Variants in SYNPO2 observed in about 807,000 individuals in gnomAD.
The protein encoded by SYNPO2 is synaptopodin 2.
A neutral mutation model predicts 85.0 loss-of-function variants in SYNPO2; 56 were observed. That is an observed-to-expected ratio of 0.66 (90% confidence interval 0.53 to 0.82). SYNPO2 has a LOEUF of 0.82. Ranked by LOEUF, SYNPO2 falls within the 40% of genes least tolerant of loss-of-function variation. The pLI is 0.00. For synonymous variants in SYNPO2, 602 were observed against 591.1 expected (o/e 1.02, Z -0.27); for missense variants, 1,575 against 1,534.2 (o/e 1.03, Z -0.44).
Position 119,031,330 on chromosome 4 carries a change from A to G in SYNPO2, c.2555A>G (p.Asn852Ser), listed in dbSNP as rs370623734. The G allele has an allele frequency of 2.5e-6, 4 of 1,614,048 alleles. No individual in the cohort carries two copies. In the African/African-American group the frequency reaches 5.3e-5, roughly 22 times the overall value. Residue 852 changes from asparagine (N) to serine (S), a missense_variant, in exon 4 of 5, where the codon AAT becomes AGT. Physicochemically the swap from Asn to Ser is conservative, Grantham distance 46. Around this residue, in one of 3 missense-constraint regions of SYNPO2, gnomAD observed 1,508 missense variants for 1,446.8 expected, o/e 1.04. Coordinates refer to ENST00000307142, the MANE Select transcript of SYNPO2 (RefSeq NM_133477.3). ...PKPTVSTPTV[N>S]AVQPGAVGPS... ...CCAACAGTTTCCACACCAACAGTCA[A>G]TGCTGTTCAGCCTGGTGCAGTGGGA...
At chr4:118,954,334 T>C (rs1162176477) in intron 1 of SYNPO2, among the ~76,000 whole-genome samples, 1 of 152,196 alleles carries the variant, frequency 6.6e-6, no homozygotes, top group Non-Finnish European at 1.5e-5. Context: ...TTCTTTTTTT[T>C]CCAGTAACTC....
chr4:119,008,945 G>A lies in SYNPO2; in HGVS notation c.106-14485G>A, dbSNP rs547674697. 2.0e-3 allele frequency among the ~76,000 whole-genome samples: 307 copies of A among 152,186 alleles called. 1 individual carries two copies. The highest frequency in any genetic ancestry group is 7.0e-3 in the African/African-American group (289 of 41,532). ...TTTCATCTCTTTGCTTCAGGTTTAT[G>A]TAATAATAGAGAGGAAATGGAAATT... On this transcript the variant is annotated intron_variant, in intron 1 of 4. Coordinates refer to ENST00000307142, the MANE Select transcript of SYNPO2 (RefSeq NM_133477.3).
In SYNPO2 at chr4:119,031,480, C is replaced by T. The variant is rs1738257143; in HGVS notation, c.2705C>T (p.Ser902Phe). The change falls in exon 4 of 5, where the codon TCT (serine) becomes TTT (phenylalanine). Residue 902 changes from serine (S) to phenylalanine (F), a missense_variant. By Grantham distance (155) the Ser-to-Phe change is radical (BLOSUM62 -2). Around this residue, in one of 3 missense-constraint regions of SYNPO2, gnomAD observed 1,508 missense variants for 1,446.8 expected, o/e 1.04. Coordinates refer to ENST00000307142, the MANE Select transcript of SYNPO2 (RefSeq NM_133477.3). ...TVQAHAARAQ[S>F]PTPSLPASWK... Reference sequence around the variant, plus strand: ...CAGGCCCACGCTGCTCGAGCTCAGTCTCCCACTCCATCTCTCCCGGCCAGT... The same window carrying T: ...CAGGCCCACGCTGCTCGAGCTCAGTTTCCCACTCCATCTCTCCCGGCCAGT... The T allele has an allele frequency of 1.2e-6, 2 of 1,614,048 alleles. No homozygotes were observed. Among genetic ancestry groups the T allele is most frequent in the African/African-American group, 2.7e-5 (2 of 74,904 alleles).
intron 1 of SYNPO2, among the ~76,000 whole-genome samples, chr4:118,904,716 A>G (rs745558069): frequency 6.8e-4 from 103 of 152,198 alleles, no homozygotes; most frequent in Non-Finnish European, 1.3e-3. Context: ...ATGATAATAC[A>G]TTCAACTCCT....
chr4:118,865,979 T>C (rs1731693815), intron 1 of SYNPO2, among the ~76,000 whole-genome samples: 1 of 152,158 alleles, frequency 6.6e-6, no homozygotes, highest in Non-Finnish European at 1.5e-5. Context: ...GTGAAGCTGA[T>C]TCACAACACT....
At chr4:118,936,049 G>A (rs1446584193) in intron 1 of SYNPO2, among the ~76,000 whole-genome samples, 2 of 152,156 alleles carry the variant, frequency 1.3e-5, no homozygotes, top group African/African-American at 2.4e-5. Context: ...ATGTGCCTAA[G>A]TGAACCCATA....
intron 1 of SYNPO2, among the ~76,000 whole-genome samples, chr4:118,868,170 T>C (rs1449597202): frequency 6.6e-6 from 1 of 152,006 alleles, no homozygotes; most frequent in Admixed American, 6.6e-5. Flanking sequence ...TTAGATGCTC[T>C]TGTAAAACAT....
At position 118,864,214 on chromosome 4, in the gene SYNPO2, C is replaced by T. The variant is rs188930987; in HGVS notation, c.12+13274C>T. ...CTTTCTTAGTTTCTTTATTGGCCCACCAATTTTTCAGGAGAGCATTGTTTA... is the reference window on the plus strand; with the variant it reads ...CTTTCTTAGTTTCTTTATTGGCCCATCAATTTTTCAGGAGAGCATTGTTTA... On this transcript the variant is annotated intron_variant, in intron 1 of 4. Transcript: ENST00000610556. Among the ~76,000 whole-genome samples, 6 of 152,244 alleles carry T rather than the reference C, an allele frequency of 3.9e-5. No individual in the cohort carries two copies. In the East Asian group the frequency reaches 1.2e-3, roughly 29 times the overall value.
chr4:119,029,915 C>T lies in SYNPO2; in HGVS notation c.1140C>T (p.Ala380=). The change falls in exon 4 of 5, where the codon GCC becomes GCT. Residue 380 remains alanine (A), a synonymous_variant. Transcript: ENST00000307142. ...KEAKSKCKSI[A]LLLTDAPNPN... is the part of the protein sequence containing the mutation. ...CAAAATCTAAATGCAAAAGCATTGC[C>T]CTTCTTCTAACGGATGCTCCCAACC... 6.2e-7 allele frequency: 1 copy of T among 1,612,418 alleles called. No homozygotes were observed.
In SYNPO2 at chr4:119,005,833, C is replaced by T. The variant is rs1266047167; in HGVS notation, c.106-17597C>T. Among the ~76,000 whole-genome samples the T allele has an allele frequency of 3.9e-5, 6 of 152,174 alleles. No individual in the cohort carries two copies. In the East Asian group the frequency reaches 5.8e-4, roughly 15 times the overall value. On this transcript the variant is annotated intron_variant, in intron 1 of 4. Coordinates refer to ENST00000307142, the MANE Select transcript of SYNPO2 (RefSeq NM_133477.3). ...GAAAACAGTATGTGCAATCAGTTGC[C>T]GAGAACAACTAAATGATTGTTTTGA...
chr4:118,925,027 A>G (rs963396204), intron 1 of SYNPO2, among the ~76,000 whole-genome samples: 1 of 152,204 alleles, frequency 6.6e-6, no homozygotes, highest in East Asian at 1.9e-4. Context: ...AGTGAAGGAT[A>G]GGCTTGTTTT....
At chr4:118,879,577 C>G (rs891424464) in intron 1 of SYNPO2, among the ~76,000 whole-genome samples, 1 of 152,282 alleles carries the variant, frequency 6.6e-6, no homozygotes, top group Admixed American at 6.5e-5. Context: ...CCTAGCAGCC[C>G]TTTGATCTTA....
intron 1 of SYNPO2, among the ~76,000 whole-genome samples, chr4:119,005,239 C>T (rs1482002357): frequency 6.6e-6 from 1 of 152,106 alleles, no homozygotes; most frequent in Non-Finnish European, 1.5e-5. Flanking sequence ...TAATTAGATC[C>T]CATTTGTCAA....
chr4:118,964,748 A>C (rs1172439944), intron 1 of SYNPO2, among the ~76,000 whole-genome samples: 1 of 152,074 alleles, frequency 6.6e-6, no homozygotes, highest in Non-Finnish European at 1.5e-5. Context: ...TATTTATTCA[A>C]TAAATAGTAA....
intron 1 of SYNPO2, among the ~76,000 whole-genome samples, chr4:118,916,913 T>C (rs1733355757): frequency 6.6e-6 from 1 of 152,088 alleles, no homozygotes; most frequent in Non-Finnish European, 1.5e-5. Flanking sequence ...TTTTTTATTT[T>C]TAGTAGAGAC....
At chr4:118,854,960 A>G (rs987700176) in intron 1 of SYNPO2, among the ~76,000 whole-genome samples, 12 of 152,118 alleles carry the variant, frequency 7.9e-5, no homozygotes, top group Non-Finnish European at 1.6e-4. Flanking sequence ...TTGTAAATGG[A>G]GCTAAGTGTT....
At chr4:118,995,452 A>G (rs1414521567) in intron 1 of SYNPO2, among the ~76,000 whole-genome samples, 2 of 152,152 alleles carry the variant, frequency 1.3e-5, no homozygotes, top group Non-Finnish European at 2.9e-5. Context: ...CAAAAACCCC[A>G]TAAGATAGGC....
At chr4:118,982,780 TAC>T (rs1384991887) in intron 1 of SYNPO2, among the ~76,000 whole-genome samples, 5 of 152,240 alleles carry the variant, frequency 3.3e-5, no homozygotes, top group Non-Finnish European at 5.9e-5. Flanking sequence ...GAAGGCATTC[TAC>T]ATTCTTTCCT....
intron 1 of SYNPO2, among the ~76,000 whole-genome samples, chr4:118,912,495 G>T (rs1733174839): frequency 1.4e-5 from 1 of 70,748 alleles, no homozygotes; most frequent in Non-Finnish European, 3.1e-5. Context: ...GGAAAAAATT[G>T]TTTAAAAATT....
Sources: allele counts gnomAD v4.1 joint callset (sites outside exome capture counted in the v4.1 genomes callset), GRCh38; gene constraint gnomAD v4.1.1; regional missense constraint gnomAD v4.1.1; transcripts MANE v1.5; gene names NCBI Gene and HGNC (gene_info 2026-07-23, HGNC 2026-07-21).